The following IL17B variants were observed in gnomAD, a reference collection of about 807,000 sequenced individuals.
IL17B encodes interleukin-17B.
In IL17B, 14 loss-of-function variants were observed where a neutral mutation model predicts 14.7. The ratio of observed to expected loss-of-function variants is 0.95; its 90% CI spans 0.63 to 1.49. IL17B has a LOEUF of 1.49. IL17B is among the 40% of genes most tolerant of loss of function. The probability of loss-of-function intolerance (pLI) is 0.00; values close to 1 mark genes in which losing one functional copy is unlikely to be tolerated. For missense variants in IL17B, 233 were observed against 252.8 expected (o/e 0.92, Z 0.53); for synonymous variants, 105 against 94.8 (o/e 1.11, Z -0.62).
At chr5:149,396,516 G>C (rs1465928878) in intron 1 of IL17B, among the ~76,000 whole-genome samples, 1 of 152,178 alleles carries the variant, frequency 6.6e-6, no homozygotes, top group African/African-American at 2.4e-5. Context: ...AGCACTTTAG[G>C]AGGCTGAGGC....
chr5:149,380,822 G>A (rs550739524), upstream of IL17B, among the ~76,000 whole-genome samples: 1 of 152,242 alleles, frequency 6.6e-6, no homozygotes, highest in African/African-American at 2.4e-5. Flanking sequence ...TCTGTCCGGG[G>A]CAGGCTTCCA....
chr5:149,398,668 A>G (rs1581397654), intron 1 of IL17B, among the ~76,000 whole-genome samples: 1 of 152,294 alleles, frequency 6.6e-6, no homozygotes, highest in East Asian at 1.9e-4. Flanking sequence ...GCACTTTGGG[A>G]GGTGGAGGTG....
intron 1 of IL17B, among the ~76,000 whole-genome samples, chr5:149,390,424 A>G (rs921813602): frequency 6.6e-6 from 1 of 152,008 alleles, no homozygotes; most frequent in African/African-American, 2.4e-5. Flanking sequence ...TCCCACGCCC[A>G]GATGCTTAAG....
chr5:149,388,454 TG>T (rs1758871134), intron 1 of IL17B, among the ~76,000 whole-genome samples: 1 of 152,222 alleles, frequency 6.6e-6, no homozygotes, highest in Admixed American at 6.5e-5. Context: ...TCAGGATCAT[TG>T]TGCTGGCTTC....
upstream of IL17B, among the ~76,000 whole-genome samples, chr5:149,383,259 A>T (rs1260886531): frequency 6.6e-6 from 1 of 152,224 alleles, no homozygotes; most frequent in Non-Finnish European, 1.5e-5. Flanking sequence ...AGTTAAAATG[A>T]GTTTTGAGTT....
chr5:149,391,130 C>A (rs1326604452), intron 1 of IL17B, among the ~76,000 whole-genome samples: 1 of 152,190 alleles, frequency 6.6e-6, no homozygotes, highest in East Asian at 1.9e-4. Flanking sequence ...TCATCCCCAG[C>A]TAATTTTTGT....
chr5:149,374,714 CTG>C lies in IL17B; in HGVS notation c.312-116_312-115del. The stretch of plus-strand genomic sequence containing the variant: ...CAGAGTTTTAATTTCCACAGCAAGA[CTG>C]TGTTGGGCTGGAGGAAAGGCAGTAA... On this transcript the variant is annotated intron_variant, in intron 2 of 2. Transcript: ENST00000261796. The surrounding 1 kb of genome is among the most constrained non-coding windows in gnomAD (Gnocchi z 5.0). The C allele has an allele frequency of 1.3e-6, 1 of 744,678 alleles. No homozygotes were observed. The highest frequency in any genetic ancestry group is 2.1e-6 in the Non-Finnish European group (1 of 467,168). 46.1% of individuals were successfully genotyped at this position (744,678 alleles called of 1,614,324 possible).
chr5:149,398,001 C>T (rs1759125230), intron 1 of IL17B, among the ~76,000 whole-genome samples: 1 of 152,126 alleles, frequency 6.6e-6, no homozygotes, highest in African/African-American at 2.4e-5. Flanking sequence ...CACTCAGACC[C>T]ACACACAGAT....
chr5:149,402,698 A>G (rs1759230792), intron 1 of IL17B, among the ~76,000 whole-genome samples: 2 of 151,776 alleles, frequency 1.3e-5, no homozygotes, highest in South Asian at 4.2e-4. Flanking sequence ...TTAAAAAAAA[A>G]AAAAAAAAAA....
At position 149,374,655 on chromosome 5, in the gene IL17B, A is replaced by G; in HGVS notation, c.312-55T>C. 7.1e-7 allele frequency: 1 copy of G among 1,398,726 alleles called. No individual in the cohort carries two copies. The highest frequency in any genetic ancestry group is 1.0e-6 in the Non-Finnish European group (1 of 1,002,596). The allele number at this position is 1,398,726 out of a possible 1,614,324, so 86.6% of individuals were successfully genotyped here. A position where few individuals can be genotyped will look rare whatever the true frequency, so the allele number is the denominator to read the frequency against. ...GAAGGTGATCAGGAAAGGGCCAGTC[A>G]GCACCCATACTCCACACCCCTGCCT... On this transcript the variant is annotated intron_variant, in intron 2 of 2. Transcript: ENST00000261796. This position sits in a 1 kb window ranked among gnomAD's most constrained non-coding sequence, Gnocchi z 5.0.
At chr5:149,402,726 G>A (rs534426941) in intron 1 of IL17B, among the ~76,000 whole-genome samples, 6 of 150,490 alleles carry the variant, frequency 4.0e-5, no homozygotes, top group Middle Eastern at 3.4e-3. Flanking sequence ...AACTCGTGCC[G>A]GGCACGGTGG....
intron 1 of IL17B, among the ~76,000 whole-genome samples, chr5:149,392,936 G>A (rs893988251): frequency 2.2e-5 from 3 of 139,344 alleles, no homozygotes; most frequent in East Asian, 2.0e-4. Context: ...GTGTGTGTAC[G>A]TGCGTGTGTG....
intron 1 of IL17B, among the ~76,000 whole-genome samples, chr5:149,389,995 A>C (rs1758904986): frequency 6.6e-6 from 1 of 152,146 alleles, no homozygotes; most frequent in South Asian, 2.1e-4. Flanking sequence ...AACAGAGTCA[A>C]CTTCAGCCAA....
At position 149,376,949 on chromosome 5, in the gene IL17B, C is replaced by T; in HGVS notation, c.98G>A (p.Gly33Glu). The T allele has an allele frequency of 1.9e-6, 3 of 1,609,592 alleles. No homozygotes were observed. Among genetic ancestry groups the T allele is most frequent in the Admixed American group, 1.7e-5 (1 of 58,962 alleles). Residue 33 changes from glycine (G) to glutamate (E), a missense_variant, in exon 2 of 3, where the codon GGG (glycine) becomes GAG (glutamate). Coordinates refer to ENST00000261796, the MANE Select transcript of IL17B (RefSeq NM_014443.3). ...GCCAGGGGCCAGGGGCCCAGGCCGC[C>T]CTTGCCCCTTCCTCTTGCTTTTGGG... ...RSPKSKRKGQ[G>E]RPGPLAPGPH...
chr5:149,377,296 C>G (rs1257080438), intron 1 of IL17B, among the ~76,000 whole-genome samples: 1 of 152,214 alleles, frequency 6.6e-6, no homozygotes, highest in African/African-American at 2.4e-5. Context: ...CATTCTGCCT[C>G]TTCACCTCCT....
upstream of IL17B, among the ~76,000 whole-genome samples, chr5:149,381,733 C>T (rs1181341100): frequency 6.6e-6 from 1 of 152,204 alleles, no homozygotes; most frequent in Non-Finnish European, 1.5e-5. Flanking sequence ...GGAGGGAGAC[C>T]CCTTCTTCCA....
At chr5:149,382,575 T>G (rs934810998), upstream of IL17B, among the ~76,000 whole-genome samples, 1 of 152,240 alleles carries the variant, frequency 6.6e-6, no homozygotes, top group African/African-American at 2.4e-5. Flanking sequence ...AAACTGAGGC[T>G]CAGCGTGGTT....
chr5:149,388,298 A>G (rs1758867129), intron 1 of IL17B, among the ~76,000 whole-genome samples: 1 of 152,188 alleles, frequency 6.6e-6, no homozygotes, highest in African/African-American at 2.4e-5. Flanking sequence ...CTATGTTCAT[A>G]AATTCTTGTC....
rs549065715 is a variant in IL17B, at chr5:149,379,206, A to T, written c.20T>A (p.Leu7Gln). The change falls in exon 1 of 3, where the codon CTG becomes CAG. Residue 7 changes from leucine (L) to glutamine (Q), a missense_variant and splice_region_variant. By Grantham distance (113) the Leu-to-Gln change is moderately radical. Coordinates refer to ENST00000261796, the MANE Select transcript of IL17B (RefSeq NM_014443.3). Reference sequence around the variant, plus strand: ...GTGCGGCAGGGAAGCGCCACGTACCAGGTTGTGAGGCCAGTCCATTCCGCC... The same window carrying T: ...GTGCGGCAGGGAAGCGCCACGTACCTGGTTGTGAGGCCAGTCCATTCCGCC... MDWPHN[L>Q]LFLLTISIFL... is the part of the protein sequence containing the mutation. 1.2e-6 allele frequency: 2 copies of T among 1,613,906 alleles called. No homozygotes were observed. The highest frequency in any genetic ancestry group is 2.7e-5 in the African/African-American group (2 of 74,940).
Sources: allele counts gnomAD v4.1 joint callset (sites outside exome capture counted in the v4.1 genomes callset), GRCh38; gene constraint gnomAD v4.1.1; non-coding constraint Gnocchi (gnomAD v3.1); transcripts MANE v1.5; gene names NCBI Gene and HGNC (gene_info 2026-07-23, HGNC 2026-07-21).